The following CFAP97D2 variants were observed in gnomAD, a reference collection of about 807,000 sequenced individuals.
CFAP97D2 encodes CFAP97 domain containing 2, also known as uncharacterized protein CFAP97D2.
intron 1 of CFAP97D2, among the ~76,000 whole-genome samples, chr13:114,182,172 C>CAT (rs370205068): frequency 0.027 from 3,239 of 121,622 alleles, 333 homozygotes; most frequent in African/African-American, 0.023. Context: ...CAGCAAAAAA[C>CAT]GTGAGCAAAA....
At chr13:114,222,828 C>T (rs766322483), downstream of CFAP97D2, 17 of 316,060 alleles carry the variant, frequency 5.4e-5, no homozygotes, top group East Asian at 3.0e-4. The surrounding 1 kb of genome is among the most constrained non-coding windows in gnomAD (Gnocchi z 4.4). Context: ...GAGCAGATGA[C>T]GCAGCAAAAC....
At chr13:114,188,092 A>C (rs1268850929) in intron 1 of CFAP97D2, among the ~76,000 whole-genome samples, 1 of 151,892 alleles carries the variant, frequency 6.6e-6, no homozygotes, top group Non-Finnish European at 1.5e-5. Flanking sequence ...CAGCCTGGGC[A>C]ACATAGCAAG....
chr13:114,182,386 G>T (rs952531353), intron 1 of CFAP97D2, among the ~76,000 whole-genome samples: 7 of 149,356 alleles, frequency 4.7e-5, no homozygotes, highest in African/African-American at 1.7e-4. Context: ...GTTTTATACC[G>T]AGACATTCAG....
At chr13:114,210,838 G>A (rs2080963492) in intron 3 of CFAP97D2, among the ~76,000 whole-genome samples, 1 of 146,758 alleles carries the variant, frequency 6.8e-6, no homozygotes, top group South Asian at 2.2e-4. Flanking sequence ...TTAAATGAGA[G>A]AAGCACATTT....
chr13:114,182,676 C>T (rs1043363068), intron 1 of CFAP97D2, among the ~76,000 whole-genome samples: 1 of 152,240 alleles, frequency 6.6e-6, no homozygotes, highest in African/African-American at 2.4e-5. Flanking sequence ...ACCAAGTATA[C>T]TGCTTGTAAA....
chr13:114,179,394 A>T lies in CFAP97D2; in HGVS notation c.64A>T (p.Lys22Ter). ...TGAGTACCTGTGGCATGCAAGGGAGAAAGCCTATCAGGACCACAGGAGAAA... is the reference window on the plus strand; with the variant it reads ...TGAGTACCTGTGGCATGCAAGGGAGTAAGCCTATCAGGACCACAGGAGAAA... Residue 22 changes from lysine (K) to a stop codon, truncating the protein, a stop_gained, in exon 1 of 5, where the codon AAA becomes TAA. Transcript: ENST00000646158. LOFTEE classifies it high-confidence loss of function. This position sits in a 1 kb window ranked among gnomAD's most constrained non-coding sequence, Gnocchi z 4.8. 1 of 398,606 alleles carries T rather than the reference A, an allele frequency of 2.5e-6. No homozygotes were observed. Among genetic ancestry groups the T allele is most frequent in the Non-Finnish European group, 4.4e-6 (1 of 226,084 alleles). 24.7% of individuals were successfully genotyped at this position (398,606 alleles called of 1,614,324 possible). A position where few individuals can be genotyped will look rare whatever the true frequency, so the allele number is the denominator to read the frequency against.
intron 3 of CFAP97D2, among the ~76,000 whole-genome samples, chr13:114,210,051 G>A (rs540398978): frequency 6.6e-6 from 1 of 152,232 alleles, no homozygotes; most frequent in African/African-American, 2.4e-5. Flanking sequence ...TCATCACCCA[G>A]AGAGAATACT....
chr13:114,194,235 G>A (rs138696828), intron 1 of CFAP97D2, among the ~76,000 whole-genome samples: 1 of 152,092 alleles, frequency 6.6e-6, no homozygotes, highest in Non-Finnish European at 1.5e-5. Context: ...AACATCACAA[G>A]GTAGAGACAA....
At chr13:114,182,492 G>A (rs534792525) in intron 1 of CFAP97D2, among the ~76,000 whole-genome samples, 23 of 151,860 alleles carry the variant, frequency 1.5e-4, no homozygotes, top group Admixed American at 2.6e-4. Context: ...ACCCTTTACC[G>A]GTGTCGGGCT....
intron 3 of CFAP97D2, among the ~76,000 whole-genome samples, chr13:114,205,086 C>A (rs1054027204): frequency 2.6e-5 from 4 of 152,166 alleles, no homozygotes; most frequent in Non-Finnish European, 5.9e-5. Flanking sequence ...TAGCATCATT[C>A]ATCATCAAGG....
chr13:114,207,281 T>C lies in CFAP97D2; in HGVS notation c.291-4631T>C, dbSNP rs1790706888. Among the ~76,000 whole-genome samples the C allele has an allele frequency of 6.6e-6, 1 of 152,226 alleles. No individual in the cohort carries two copies. Among genetic ancestry groups the C allele is most frequent in the South Asian group, 2.1e-4 (1 of 4,828 alleles). On this transcript the variant is annotated intron_variant, in intron 3 of 4. Transcript: ENST00000646158. This position sits in a 1 kb window ranked among gnomAD's most constrained non-coding sequence, Gnocchi z 4.9. ...GTTTATTTGCCACCATTGAGGACGCTACTGGGATACGGCATGGACAGCGAG... is the reference window on the plus strand; with the variant it reads ...GTTTATTTGCCACCATTGAGGACGCCACTGGGATACGGCATGGACAGCGAG...
rs191394297 is a variant in CFAP97D2, at chr13:114,182,581, C to G, written c.90+3161C>G. 1.9e-3 allele frequency among the ~76,000 whole-genome samples: 295 copies of G among 151,548 alleles called. 3 individuals carry two copies. The highest frequency in any genetic ancestry group is 0.014 in the Middle Eastern group (4 of 294). On this transcript the variant is annotated intron_variant, in intron 1 of 4. Coordinates refer to ENST00000646158, the Ensembl canonical transcript of CFAP97D2. ...TGGGGAGAAACCTTGGACAATACCC[C>G]GCTTTCAAGGGCAGAGGTCCCTGCG... is the stretch of plus-strand genomic sequence containing the variant.
chr13:114,182,239 G>A lies in CFAP97D2; in HGVS notation c.90+2819G>A, dbSNP rs144449736. ...GTACTATGCCTGGATGTGCACGTAG[G>A]CCAGATTTATGTTTCTCTCCGCCCA... On this transcript the variant is annotated intron_variant, in intron 1 of 4. Coordinates refer to ENST00000646158, the Ensembl canonical transcript of CFAP97D2. 2.7e-5 allele frequency among the ~76,000 whole-genome samples: 4 copies of A among 150,104 alleles called. 1 individual carries two copies. The highest frequency in any genetic ancestry group is 3.9e-4 in the East Asian group (2 of 5,152).
At chr13:114,180,255 A>T (rs988185128) in intron 1 of CFAP97D2, among the ~76,000 whole-genome samples, 1 of 152,172 alleles carries the variant, frequency 6.6e-6, no homozygotes, top group Middle Eastern at 3.2e-3. Context: ...CCCTGTAATG[A>T]TCTTAAGTGA....
intron 4 of CFAP97D2, among the ~76,000 whole-genome samples, chr13:114,221,640 G>A (rs1377269845): frequency 6.6e-6 from 1 of 152,020 alleles, no homozygotes; most frequent in Non-Finnish European, 1.5e-5. Flanking sequence ...GCTGGTAGGG[G>A]TAAACAGTGG....
chr13:114,202,116 C>T (rs548432359), intron 3 of CFAP97D2, among the ~76,000 whole-genome samples: 4 of 152,182 alleles, frequency 2.6e-5, no homozygotes, highest in African/African-American at 7.2e-5. Context: ...CAAGTATCTG[C>T]GTTTTGTCTG....
chr13:114,218,126 C>G (rs958383389), intron 4 of CFAP97D2, among the ~76,000 whole-genome samples: 2 of 152,112 alleles, frequency 1.3e-5, no homozygotes, highest in African/African-American at 4.8e-5. Context: ...TTTAGAAAAC[C>G]CCATCATCTC....
chr13:114,203,146 G>A lies in CFAP97D2; in HGVS notation c.290+2703G>A, dbSNP rs772588009. Among the ~76,000 whole-genome samples, 33 of 152,314 alleles carry A rather than the reference G, an allele frequency of 2.2e-4. No homozygotes were observed. Among genetic ancestry groups the A allele is most frequent in the Non-Finnish European group, 2.1e-4 (14 of 68,030 alleles). On this transcript the variant is annotated intron_variant, in intron 3 of 4. Coordinates refer to ENST00000646158, the Ensembl canonical transcript of CFAP97D2. The surrounding 1 kb of genome is among the most constrained non-coding windows in gnomAD (Gnocchi z 4.3). ...AAGCAAACTATTTCTATTCACAGAT[G>A]ATATGATCTTGCATATAGAAAATCT...
At chr13:114,181,979 G>A (rs111341336) in intron 1 of CFAP97D2, among the ~76,000 whole-genome samples, 18,136 of 152,074 alleles carry the variant, frequency 0.12, 1,118 homozygotes, top group Middle Eastern at 0.18. Context: ...ACTGAGAAAA[G>A]AAATAAGACA....
Sources: allele counts gnomAD v4.1 joint callset (sites outside exome capture counted in the v4.1 genomes callset), GRCh38; gene constraint gnomAD v4.1.1; non-coding constraint Gnocchi (gnomAD v3.1); transcripts MANE v1.5; gene names NCBI Gene and HGNC (gene_info 2026-07-23, HGNC 2026-07-21).